The following ZC3H8 variants were observed in gnomAD, a reference collection of about 807,000 sequenced individuals.
ZC3H8 encodes the protein zinc finger CCCH-type containing 8.
Under a neutral mutation model 42.5 loss-of-function variants are expected in ZC3H8, and 27 were observed. That is an observed-to-expected ratio of 0.64 (90% CI 0.47 to 0.88). The LOEUF (loss-of-function observed/expected upper bound fraction) is 0.88, where lower values mean the gene tolerates loss of function less well. Among genes scored for constraint, ZC3H8 ranks in the 40% least tolerant of loss-of-function variants. The pLI is 0.00. For missense variants in ZC3H8, 277 were observed against 336.1 expected, an observed-to-expected ratio of 0.82 and a Z score of 1.37; for synonymous variants, 101 against 110.1, an observed-to-expected ratio of 0.92 and a Z score of 0.52.
chr2:112,225,820 G>A (rs377713906), intron 8 of ZC3H8, among the ~76,000 whole-genome samples: 2 of 150,272 alleles, frequency 1.3e-5, no homozygotes, highest in Non-Finnish European at 3.0e-5. Context: ...GGTGGCTCAC[G>A]CCTGTAATCC....
Position 112,238,384 on chromosome 2 carries a change from T to C in ZC3H8, c.301A>G (p.Arg101Gly). The C allele has an allele frequency of 6.2e-7, 1 of 1,613,790 alleles. No homozygotes were observed. Among genetic ancestry groups the C allele is most frequent in the Non-Finnish European group, 8.5e-7 (1 of 1,179,888 alleles). Reference sequence around the variant, plus strand: ...GGTTGAGCAGCATTTGCCATTTCTCTGGCTTGTATGTACTGTTGAAGCTCT... The same window carrying C: ...GGTTGAGCAGCATTTGCCATTTCTCCGGCTTGTATGTACTGTTGAAGCTCT... Reference protein sequence around the residue: ...AKELQQYIQAREMANAAQPEE... With the variant: ...AKELQQYIQAGEMANAAQPEE... The change falls in exon 3 of 9, where the codon AGA becomes GGA. Residue 101 changes from arginine to glycine, a missense_variant. Arg to Gly is a moderately radical substitution (Grantham distance 125). Transcript: ENST00000409573.
chr2:112,236,141 G>A (rs1201146293), intron 4 of ZC3H8, among the ~76,000 whole-genome samples: 1 of 152,066 alleles, frequency 6.6e-6, no homozygotes, highest in Non-Finnish European at 1.5e-5. Context: ...GCGGGCGCCT[G>A]TAGTCCCAGC....
chr2:112,217,922 GTGTTTT>G (rs376154053), intron 8 of ZC3H8, among the ~76,000 whole-genome samples: 3,517 of 152,124 alleles, frequency 0.023, 115 homozygotes, highest in African/African-American at 0.075. Flanking sequence ...CTGGTTTCTT[GTGTTTT>G]TGTTTTTGTT....
intron 2 of ZC3H8, among the ~76,000 whole-genome samples, chr2:112,246,405 A>G (rs1359558433): frequency 6.6e-6 from 1 of 152,200 alleles, no homozygotes; most frequent in Non-Finnish European, 1.5e-5. Context: ...TAAATTGAAA[A>G]CCTAGAAAGG....
chr2:112,233,182 G>T, intron 6 of ZC3H8, 78 bp downstream of exon 6: 1 of 902,376 alleles, frequency 1.1e-6, no homozygotes, highest in Non-Finnish European at 1.6e-6. Context: ...TAAAACACTG[G>T]TTTCATTAAA....
chr2:112,243,290 CT>C (rs1385003200), intron 2 of ZC3H8, among the ~76,000 whole-genome samples: 1 of 152,188 alleles, frequency 6.6e-6, no homozygotes, highest in Non-Finnish European at 1.5e-5. Flanking sequence ...TCCGCCTAAC[CT>C]TTGATTGGCA....
chr2:112,235,936 TAAA>T (rs11370016), intron 4 of ZC3H8, among the ~76,000 whole-genome samples: 2 of 122,598 alleles, frequency 1.6e-5, no homozygotes. Flanking sequence ...AGTATAACAC[TAAA>T]AAAAAAAAAA....
At chr2:112,229,721 T>C (rs1399270124) in intron 8 of ZC3H8, among the ~76,000 whole-genome samples, 2 of 152,192 alleles carry the variant, frequency 1.3e-5, no homozygotes, top group Non-Finnish European at 2.9e-5. Context: ...GAGAACCTTG[T>C]AGTTGTTTTT....
intron 2 of ZC3H8, among the ~76,000 whole-genome samples, chr2:112,249,518 A>T (rs910421094): frequency 8.5e-5 from 13 of 152,058 alleles, no homozygotes; most frequent in Non-Finnish European, 1.8e-4. Flanking sequence ...ATTTTGGCTT[A>T]CTGCAACCTC....
intron 8 of ZC3H8, among the ~76,000 whole-genome samples, chr2:112,220,848 T>C (rs1209375722): frequency 1.3e-5 from 2 of 152,154 alleles, no homozygotes; most frequent in African/African-American, 2.4e-5. Context: ...GATCCCTTTG[T>C]AGGTGACCTG....
At chr2:112,219,778 T>A (rs563289855) in intron 8 of ZC3H8, among the ~76,000 whole-genome samples, 2 of 152,174 alleles carry the variant, frequency 1.3e-5, no homozygotes, top group Non-Finnish European at 2.9e-5. Context: ...AGATGTCTAC[T>A]AGGTCCATTT....
intron 2 of ZC3H8, among the ~76,000 whole-genome samples, chr2:112,240,984 T>TGTGCGC (rs1159922548): frequency 7.6e-6 from 1 of 132,332 alleles, no homozygotes; most frequent in African/African-American, 3.0e-5. Flanking sequence ...TGTGTGTGTG[T>TGTGCGC]GCGCGTGTGT....
chr2:112,218,571 C>T lies in ZC3H8; in HGVS notation c.*16-2103G>A, dbSNP rs563191832. Among the ~76,000 whole-genome samples the T allele has an allele frequency of 4.5e-4, 69 of 152,140 alleles. 1 individual carries two copies. Among genetic ancestry groups the T allele is most frequent in the African/African-American group, 1.6e-3 (67 of 41,508 alleles). On this transcript the variant is annotated intron_variant, in intron 8 of 8. Coordinates refer to ENST00000409573, the MANE Select transcript of ZC3H8 (RefSeq NM_032494.3). ...TACAGTACCCAAAAAGAATAGAATACGGTTGACTCTTGAACAACACAAGTT... is the reference window on the plus strand; with the variant it reads ...TACAGTACCCAAAAAGAATAGAATATGGTTGACTCTTGAACAACACAAGTT...
intron 1 of ZC3H8, among the ~76,000 whole-genome samples, chr2:112,251,062 T>C (rs1685928871): frequency 6.6e-6 from 1 of 152,208 alleles, no homozygotes; most frequent in Admixed American, 6.5e-5. Context: ...TAGATGTATC[T>C]GAATAATGGT....
chr2:112,214,482 T>C lies in ZC3H8; in HGVS notation c.*2002A>G, dbSNP rs559977215. ...TTTTTTAGACTATGGTTTTATTATA[T>C]ATATATTATATATGCTTGGAGCTGC... is the stretch of plus-strand genomic sequence containing the variant. On this transcript the variant is annotated 3_prime_UTR_variant, in exon 9 of 9. Transcript: ENST00000409573. 6.6e-6 allele frequency: 1 copy of C among 152,244 alleles called. No individual in the cohort carries two copies. The highest frequency in any genetic ancestry group is 1.9e-4 in the East Asian group (1 of 5,186). 9.4% of individuals were successfully genotyped at this position (152,244 alleles called of 1,614,324 possible).
chr2:112,227,760 A>G (rs1684908961), intron 8 of ZC3H8, among the ~76,000 whole-genome samples: 1 of 152,200 alleles, frequency 6.6e-6, no homozygotes, highest in South Asian at 2.1e-4. Flanking sequence ...TAAATTAACA[A>G]AAAAGTGTAC....
intron 8 of ZC3H8, among the ~76,000 whole-genome samples, chr2:112,217,494 T>C (rs191152008): frequency 6.6e-6 from 1 of 152,330 alleles, no homozygotes; most frequent in African/African-American, 2.4e-5. Context: ...TTAAAATCCA[T>C]TGGTCTTTGT....
chr2:112,234,505 A>G (rs2104656118), intron 4 of ZC3H8, among the ~76,000 whole-genome samples: 1 of 152,286 alleles, frequency 6.6e-6, no homozygotes, highest in South Asian at 2.1e-4. Context: ...TGAATGAAAA[A>G]AATTTTTTAA....
At chr2:112,230,853 T>C in intron 8 of ZC3H8, 50 bp downstream of exon 8, 1 of 1,217,476 alleles carries the variant, frequency 8.2e-7, no homozygotes, top group Non-Finnish European at 1.1e-6. Context: ...TGCCAACTTC[T>C]GGAGATGTTC....
Sources: gnomAD v4.1 joint callset for allele counts (sites outside exome capture counted in the v4.1 genomes callset) on GRCh38, gnomAD v4.1.1 for gene constraint, MANE v1.5 for transcripts, NCBI Gene and HGNC (gene_info 2026-07-23, HGNC 2026-07-21) for gene names.